Variants in ADGRG4 observed in about 807,000 individuals in gnomAD.
ADGRG4 encodes adhesion G protein-coupled receptor G4.
ADGRG4 carries 122 observed loss-of-function variants against 126.2 expected under a neutral mutation model. That is an observed-to-expected ratio of 0.97 (90% CI 0.83 to 1.12). The LOEUF is 1.12. Ranked by LOEUF, ADGRG4 falls within the 50% of genes most tolerant of loss-of-function variation. The pLI is 0.00. For missense variants in ADGRG4, 2,481 were observed against 2,251.8 expected, an observed-to-expected ratio of 1.10 and a Z score of -2.06; for synonymous variants, 943 against 838.7, an observed-to-expected ratio of 1.12 and a Z score of -2.15.
intron 20 of ADGRG4, among the ~76,000 whole-genome samples, 194 bp downstream of exon 20, chrX:136,398,196 G>A (rs2075361232): frequency 1.8e-5 from 2 of 112,062 alleles, no homozygotes; most frequent in South Asian, 3.7e-4. Context: ...TGTAAAACAA[G>A]GGAGTTGGGA....
intron 5 of ADGRG4, among the ~76,000 whole-genome samples, chrX:136,340,733 A>G (rs755391898): frequency 2.2e-4 from 25 of 111,635 alleles, no homozygotes; most frequent in African/African-American, 8.1e-4. Flanking sequence ...CATACTGTCT[A>G]ATTTCTTCTC....
At chrX:136,315,916 C>A (rs932225693) in intron 4 of ADGRG4, among the ~76,000 whole-genome samples, 1 of 111,518 alleles carries the variant, frequency 9.0e-6, no homozygotes, top group Non-Finnish European at 1.9e-5. Flanking sequence ...CCACCAGAAA[C>A]TAGGAAAGAG....
At chrX:136,353,929 C>T (rs1424101484) in intron 8 of ADGRG4, among the ~76,000 whole-genome samples, 1 of 111,548 alleles carries the variant, frequency 9.0e-6, no homozygotes, top group Non-Finnish European at 1.9e-5. Context: ...ATGGCAAAGG[C>T]AATTGCTCAC....
In ADGRG4 at chrX:136,348,875, CA is replaced by C. The variant is rs1255655139; in HGVS notation, c.5170del (p.Arg1724GlyfsTer6). ...TLGILSGITN[R>X]SLSTVNSGTG... ...TGGGCATATTATCTGGGATTACTAA[CA>C]GGTCCCTATCTACTGTGAACAGTGG... On this transcript the variant is annotated frameshift_variant, in exon 6 of 26. Coordinates refer to ENST00000394143, the MANE Select transcript of ADGRG4 (RefSeq NM_153834.4). LOFTEE classifies it high-confidence loss of function. 10 of 1,204,570 alleles carry C rather than the reference CA, an allele frequency of 8.3e-6. No homozygotes were observed. Among genetic ancestry groups the C allele is most frequent in the Non-Finnish European group, 1.1e-5 (10 of 891,955 alleles).
At chrX:136,324,928 A>T (rs1033203289) in intron 5 of ADGRG4, among the ~76,000 whole-genome samples, 4 of 111,716 alleles carry the variant, frequency 3.6e-5, no homozygotes, top group African/African-American at 1.3e-4. Context: ...AACTCTTTGG[A>T]ATGGAGTTCT....
At chrX:136,334,126 TTCTTTC>T (rs1324253273) in intron 5 of ADGRG4, among the ~76,000 whole-genome samples, 6 of 88,086 alleles carry the variant, frequency 6.8e-5, no homozygotes, top group East Asian at 3.4e-4. Context: ...CTTTCTTTCT[TTCTTTC>T]TTTCTTTTTC....
intron 12 of ADGRG4, among the ~76,000 whole-genome samples, chrX:136,362,761 C>G (rs17002468): frequency 1.8e-5 from 2 of 111,912 alleles, no homozygotes; most frequent in Non-Finnish European, 3.8e-5. Flanking sequence ...CACAGCTCAG[C>G]TCAAATGCTG....
In ADGRG4 at chrX:136,348,236, T is replaced by C. The variant is rs766346204; in HGVS notation, c.4530T>C (p.Ile1510=). 3.4e-5 allele frequency: 41 copies of C among 1,209,114 alleles called. No individual in the cohort carries two copies. Among genetic ancestry groups the C allele is most frequent in the Non-Finnish European group, 5.6e-6 (5 of 894,592 alleles). Residue 1510 remains isoleucine, a synonymous_variant, in exon 6 of 26, where the codon ATT becomes ATC. Transcript: ENST00000394143. ...CCTCTATGGCAACGTCCACTCCTAT[T>C]TACCAGATGTCCTCATTGCCAGTTA... ...RESSMATSTP[I]YQMSSLPVNV...
At chrX:136,353,150 T>G in intron 7 of ADGRG4, among the ~76,000 whole-genome samples, 187 bp from the exon 8 acceptor site, 1 of 111,616 alleles carries the variant, frequency 9.0e-6, no homozygotes, top group Non-Finnish European at 1.9e-5. Flanking sequence ...ATTTGAGTTT[T>G]GGAAAGACAC....
chrX:136,403,486 C>T (rs998933812), intron 22 of ADGRG4, among the ~76,000 whole-genome samples, 164 bp downstream of exon 22: 1 of 112,339 alleles, frequency 8.9e-6, no homozygotes, highest in Admixed American at 9.4e-5. Context: ...TGGTTAGTTG[C>T]CCGGGTCCTC....
At position 136,361,642 on chromosome X, in the gene ADGRG4, T is replaced by C. The variant is rs143248853; in HGVS notation, c.7277+55T>C. On this transcript the variant is annotated intron_variant, in intron 12 of 25. Coordinates refer to ENST00000394143, the MANE Select transcript of ADGRG4 (RefSeq NM_153834.4). ...TTCAGATATACAAAGATCTACCTAA[T>C]TGGGGACATGTTTCTATGTCATTTG... 1.4e-3 allele frequency: 1,294 copies of C among 944,403 alleles called. 11 individuals are homozygous for C. The African/African-American group carries it at 0.021, about 15-fold the overall frequency. The allele number at this position is 944,403 out of a possible 1,213,427, so 77.8% of individuals were successfully genotyped here.
intron 15 of ADGRG4, among the ~76,000 whole-genome samples, chrX:136,383,757 A>G (rs1259410098): frequency 9.2e-6 from 1 of 108,895 alleles, no homozygotes; most frequent in Non-Finnish European, 1.9e-5. Context: ...CTTTATTTTA[A>G]TATTTATTAT....
intron 19 of ADGRG4, among the ~76,000 whole-genome samples, chrX:136,397,077 C>T (rs764706619): frequency 1.1e-4 from 12 of 111,270 alleles, no homozygotes; most frequent in Non-Finnish European, 2.1e-4. Flanking sequence ...GCATGAGCCA[C>T]CCCGCCCGGC....
intron 4 of ADGRG4, among the ~76,000 whole-genome samples, chrX:136,320,726 C>T (rs1017489751): frequency 1.4e-4 from 15 of 110,590 alleles, no homozygotes; most frequent in South Asian, 7.8e-4. Flanking sequence ...CCAGACCAGC[C>T]TAGGCAACAT....
At chrX:136,381,977 G>A (rs1350567276) in intron 15 of ADGRG4, among the ~76,000 whole-genome samples, 1 of 111,011 alleles carries the variant, frequency 9.0e-6, no homozygotes, top group Non-Finnish European at 1.9e-5. Context: ...CCAATTAAGG[G>A]TGGGTCTGCC....
chrX:136,373,732 A>G (rs2075208365), intron 15 of ADGRG4, among the ~76,000 whole-genome samples: 1 of 111,249 alleles, frequency 9.0e-6, no homozygotes, highest in African/African-American at 3.3e-5. Context: ...TGGGAGGTCA[A>G]GGTGGGAGGA....
At position 136,363,970 on chromosome X, in the gene ADGRG4, C is replaced by T. The variant is rs141343306; in HGVS notation, c.7396+375C>T. 6.1e-3 allele frequency among the ~76,000 whole-genome samples: 666 copies of T among 109,371 alleles called. 3 individuals are homozygous for T. Among genetic ancestry groups the T allele is most frequent in the African/African-American group, 0.02 (593 of 30,052 alleles). The allele number at this position is 109,371 out of a possible 115,157, so 95.0% of individuals were successfully genotyped here. A position where few individuals can be genotyped will look rare whatever the true frequency, so the allele number is the denominator to read the frequency against. Reference sequence around the variant, plus strand: ...GATTACAGGCGCCCACCACCATGCCCGGATGATTTTTTCTACTTTTAGCAG... The same window carrying T: ...GATTACAGGCGCCCACCACCATGCCTGGATGATTTTTTCTACTTTTAGCAG... On this transcript the variant is annotated intron_variant, in intron 13 of 25. Coordinates refer to ENST00000394143, the MANE Select transcript of ADGRG4 (RefSeq NM_153834.4).
At chrX:136,412,242 C>G in intron 23 of ADGRG4, 23 bp from the exon 24 acceptor site, 2 of 1,084,724 alleles carry the variant, frequency 1.8e-6, no homozygotes, top group Non-Finnish European at 2.6e-6. Flanking sequence ...CCAAAAAAGA[C>G]TGACCTTCTT....
At chrX:136,321,423 A>G (rs1367606438) in intron 4 of ADGRG4, among the ~76,000 whole-genome samples, 4 of 111,356 alleles carry the variant, frequency 3.6e-5, no homozygotes, top group Non-Finnish European at 5.7e-5. Flanking sequence ...ATGGTCAGAG[A>G]ATATCTGGAA....
Sources: allele counts gnomAD v4.1 joint callset (sites outside exome capture counted in the v4.1 genomes callset), GRCh38; gene constraint gnomAD v4.1.1; transcripts MANE v1.5; gene names NCBI Gene and HGNC (gene_info 2026-07-23, HGNC 2026-07-21).